LIMS2: variants seen among roughly 807,000 people sequenced by gnomAD.
LIMS2 encodes LIM zinc finger domain containing 2.
LIMS2 carries 30 observed loss-of-function variants against 45.3 expected under a neutral mutation model. The ratio of observed to expected loss-of-function variants is 0.66; its 90% CI spans 0.50 to 0.90. The LOEUF (loss-of-function observed/expected upper bound fraction) is 0.90. Ranked by LOEUF, LIMS2 falls within the 40% of genes least tolerant of loss-of-function variation. The pLI, the probability that LIMS2 is intolerant of heterozygous loss-of-function variation, is 0.00. For missense variants in LIMS2, 485 were observed against 468.7 expected (o/e 1.03, Z -0.32); for synonymous variants, 173 against 188.0 (o/e 0.92, Z 0.65).
Position 127,639,196 on chromosome 2 carries a change from AG to A in LIMS2, c.*84del. 1 of 1,430,332 alleles carries A rather than the reference AG, an allele frequency of 7.0e-7. No individual in the cohort carries two copies. The highest frequency in any genetic ancestry group is 1.9e-5 in the Admixed American group (1 of 53,484). The allele number at this position is 1,430,332 out of a possible 1,614,324, so 88.6% of individuals were successfully genotyped here. A position where few individuals can be genotyped will look rare whatever the true frequency, so the allele number is the denominator to read the frequency against. On this transcript the variant is annotated 3_prime_UTR_variant, in exon 10 of 10. Coordinates refer to ENST00000355119, the MANE Select transcript of LIMS2 (RefSeq NM_001161403.3). ...AGGGAGGGTAAGATGCGGAGGGCACAGGTGGATGGGGACGAGGGGGCCAAGC... is the reference window on the plus strand; with the variant it reads ...AGGGAGGGTAAGATGCGGAGGGCACAGTGGATGGGGACGAGGGGGCCAAGC...
chr2:127,676,407 CTTTTTTT>C (rs10677718), upstream of LIMS2, among the ~76,000 whole-genome samples: 162 of 115,864 alleles, frequency 1.4e-3, 1 homozygote, highest in African/African-American at 5.4e-3. Context: ...GCAGTTGTTA[CTTTTTTT>C]TTTTTTTTTT....
chr2:127,661,799 A>G lies in LIMS2; in HGVS notation c.12-4237T>C, dbSNP rs186521091. Among the ~76,000 whole-genome samples, 619 of 152,282 alleles carry G rather than the reference A, an allele frequency of 4.1e-3. 2 individuals are homozygous for G. Among genetic ancestry groups the G allele is most frequent in the South Asian group, 6.6e-3 (32 of 4,824 alleles). On this transcript the variant is annotated intron_variant, in intron 1 of 9. Coordinates refer to ENST00000355119, the MANE Select transcript of LIMS2 (RefSeq NM_001161403.3). The stretch of plus-strand genomic sequence containing the variant: ...AGCCTGCTCTGTTCCAGGCCTTTGT[A>G]TAAGGGGAGGAGGCTGGTTCCAGAT...
chr2:127,662,229 C>T (rs1235651782), intron 1 of LIMS2, among the ~76,000 whole-genome samples: 3 of 152,204 alleles, frequency 2.0e-5, no homozygotes, highest in Non-Finnish European at 4.4e-5. Flanking sequence ...GAATAGCTAC[C>T]TCCAGGGACT....
At chr2:127,656,279 C>T (rs950260717) in intron 2 of LIMS2, among the ~76,000 whole-genome samples, 2 of 152,102 alleles carry the variant, frequency 1.3e-5, no homozygotes, top group Non-Finnish European at 2.9e-5. Context: ...CTGGTGGGGG[C>T]CCCTTCACTT....
chr2:127,659,269 T>A (rs573875339), intron 1 of LIMS2, among the ~76,000 whole-genome samples: 1 of 152,328 alleles, frequency 6.6e-6, no homozygotes, highest in Admixed American at 6.5e-5. Context: ...TGGCCTGCCC[T>A]CTGGGGTGCT....
At chr2:127,643,294 A>C in intron 4 of LIMS2, 1 of 590,860 alleles carries the variant, frequency 1.7e-6, no homozygotes, top group Non-Finnish European at 3.0e-6. Context: ...AGATGCCAGA[A>C]TGCTCGAGGT....
chr2:127,641,981 G>A, intron 6 of LIMS2, 68 bp downstream of exon 6: 3 of 1,543,400 alleles, frequency 1.9e-6, no homozygotes, highest in Non-Finnish European at 1.8e-6. Context: ...GAGCTTTAGG[G>A]CTCTTACCAT....
At chr2:127,668,668 CAAAA>C (rs70985469) in intron 1 of LIMS2, among the ~76,000 whole-genome samples, 1,933 of 17,218 alleles carry the variant, frequency 0.11, 133 homozygotes, top group Middle Eastern at 0.17. Flanking sequence ...GACTCCGTCT[CAAAA>C]AAAAAAAAAA....
At chr2:127,651,457 T>C (rs1463644176) in intron 4 of LIMS2, 3 of 1,612,872 alleles carry the variant, frequency 1.9e-6, no homozygotes, top group East Asian at 4.5e-5. Context: ...GCCATAGTGC[T>C]GGCCATCTTC....
At chr2:127,673,073 G>C (rs1046123196) in intron 1 of LIMS2, among the ~76,000 whole-genome samples, 4 of 152,228 alleles carry the variant, frequency 2.6e-5, no homozygotes, top group African/African-American at 9.6e-5. Context: ...GTTCCTCACA[G>C]ACTGGCCCGG....
chr2:127,669,193 T>A (rs1391815268), intron 1 of LIMS2, among the ~76,000 whole-genome samples: 1 of 152,184 alleles, frequency 6.6e-6, no homozygotes, highest in Admixed American at 6.5e-5. Context: ...CAACAAATGA[T>A]GCTAGGACAA....
At chr2:127,660,463 G>C (rs903223819) in intron 1 of LIMS2, among the ~76,000 whole-genome samples, 2 of 152,224 alleles carry the variant, frequency 1.3e-5, no homozygotes, top group African/African-American at 2.4e-5. Context: ...AAGCCAGCGA[G>C]ACCATGAACC....
rs538621019 is a variant in LIMS2 at position 127,657,502 on chromosome 2, G to A, written c.72C>T (p.Pro24=). 1.7e-5 allele frequency: 28 copies of A among 1,613,200 alleles called. 1 individual carries two copies. Among genetic ancestry groups the A allele is most frequent in the Middle Eastern group, 3.3e-4 (2 of 6,054 alleles). Residue 24 remains proline, a synonymous_variant, in exon 2 of 10, where the codon CCC becomes CCT. Coordinates refer to ENST00000355119, the MANE Select transcript of LIMS2 (RefSeq NM_001161403.3). ...VCQRCQARFS[P]AERIVNSNGE... ...CATTGCTGTTGACAATGCGCTCGGC[G>A]GGGGAGAAGCGGGCCTGGCAGCGCT...
chr2:127,651,206 G>A, intron 4 of LIMS2: 2 of 1,610,264 alleles, frequency 1.2e-6, no homozygotes, highest in East Asian at 2.2e-5. Flanking sequence ...TCCTGTGGGT[G>A]GTGGTGGCTG....
At chr2:127,666,228 G>A (rs956177615) in intron 1 of LIMS2, among the ~76,000 whole-genome samples, 3 of 151,932 alleles carry the variant, frequency 2.0e-5, no homozygotes, top group Non-Finnish European at 4.4e-5. Context: ...GAAAGTGGTG[G>A]AGTAAGGACC....
At chr2:127,640,504 G>A in intron 7 of LIMS2, 186 bp from the exon 8 acceptor site, 1 of 651,668 alleles carries the variant, frequency 1.5e-6, no homozygotes, top group Non-Finnish European at 2.7e-6. Context: ...TTCCGGGAAG[G>A]ACAACAGGCT....
intron 1 of LIMS2, among the ~76,000 whole-genome samples, chr2:127,661,540 G>A (rs1026981571): frequency 2.6e-5 from 4 of 152,174 alleles, no homozygotes; most frequent in Non-Finnish European, 5.9e-5. Flanking sequence ...AGAGAGCACA[G>A]AGTCTGTCCA....
intron 7 of LIMS2, 186 bp downstream of exon 7, chr2:127,640,710 C>T: frequency 1.6e-6 from 1 of 614,578 alleles, no homozygotes; most frequent in Non-Finnish European, 2.9e-6. Context: ...CAAAGGAAGA[C>T]ACTGAGACTG....
At chr2:127,646,911 C>T (rs577587422) in intron 4 of LIMS2, among the ~76,000 whole-genome samples, 3 of 152,340 alleles carry the variant, frequency 2.0e-5, no homozygotes, top group Non-Finnish European at 2.9e-5. Context: ...ACTCCTCAAA[C>T]GGGGGACAGA....
Sources: gnomAD v4.1 joint callset for allele counts (sites outside exome capture counted in the v4.1 genomes callset) on GRCh38, gnomAD v4.1.1 for gene constraint, MANE v1.5 for transcripts, NCBI Gene and HGNC (gene_info 2026-07-23, HGNC 2026-07-21) for gene names.